The following GOLGB1 variants were observed in gnomAD, a reference collection of about 807,000 sequenced individuals.
GOLGB1 encodes the protein golgin B1, also known as golgin subfamily B member 1.
GOLGB1 carries 174 observed loss-of-function variants against 336.9 expected under a neutral mutation model. That is an observed-to-expected ratio of 0.52 (90% CI 0.46 to 0.59). The LOEUF (loss-of-function observed/expected upper bound fraction) is 0.59. GOLGB1 is among the 20% of genes least tolerant of loss of function. The pLI is 0.00. For synonymous variants in GOLGB1, 1,208 were observed against 1,289.2 expected (o/e 0.94, Z 1.35); for missense variants, 3,331 against 3,645.3 (o/e 0.91, Z 2.22).
At chr3:121,713,899 G>A (rs1176681615) in intron 10 of GOLGB1, among the ~76,000 whole-genome samples, 1 of 152,200 alleles carries the variant, frequency 6.6e-6, no homozygotes, top group East Asian at 1.9e-4. Flanking sequence ...ATAAATTTAA[G>A]ATGAACTGAT....
rs1240635114 is a variant in GOLGB1, at chr3:121,663,552, C to G, written c.*928G>C. The G allele has an allele frequency of 6.6e-6, 1 of 152,220 alleles. No individual in the cohort carries two copies. The highest frequency in any genetic ancestry group is 1.5e-5 in the Non-Finnish European group (1 of 68,036). 9.4% of individuals were successfully genotyped at this position (152,220 alleles called of 1,614,324 possible). A position where few individuals can be genotyped will look rare whatever the true frequency, so the allele number is the denominator to read the frequency against. On this transcript the variant is annotated 3_prime_UTR_variant, in exon 22 of 22. Transcript: ENST00000614479. ...GAGAAACTGTAATAACTGTCACTAA[C>G]AGCAAAGTAGCTTAGTACTTCAAGA...
chr3:121,739,415 C>G (rs1327722756), intron 1 of GOLGB1, among the ~76,000 whole-genome samples: 1 of 151,890 alleles, frequency 6.6e-6, no homozygotes, highest in East Asian at 1.9e-4. Flanking sequence ...AAACTATAAC[C>G]ACTTAAATCT....
intron 1 of GOLGB1, among the ~76,000 whole-genome samples, chr3:121,747,348 T>C (rs955325328): frequency 9.7e-5 from 14 of 144,960 alleles, no homozygotes; most frequent in African/African-American, 3.0e-4. Context: ...TGTATATATA[T>C]GTGTATATAC....
Position 121,719,734 on chromosome 3 carries a change from T to C in GOLGB1, c.683A>G (p.Asp228Gly). Reference protein sequence around the residue: ...SSMQQVVREKDARFETQVRLH... With the variant: ...SSMQQVVREKGARFETQVRLH... ...ACGAACTTGTGTTTCAAAGCGGGCA[T>C]CTTTCTCTCGGACCACCTGCTGCAT... Residue 228 changes from aspartate to glycine, a missense_variant, in exon 7 of 22, where the codon GAT becomes GGT. Coordinates refer to ENST00000614479, the MANE Select transcript of GOLGB1 (RefSeq NM_001366282.2). 6.2e-7 allele frequency: 1 copy of C among 1,609,122 alleles called. No individual in the cohort carries two copies. Among genetic ancestry groups the C allele is most frequent in the South Asian group, 1.1e-5 (1 of 90,460 alleles).
intron 1 of GOLGB1, among the ~76,000 whole-genome samples, chr3:121,739,893 A>G (rs1404105846): frequency 6.6e-6 from 1 of 152,228 alleles, no homozygotes; most frequent in Non-Finnish European, 1.5e-5. Flanking sequence ...GCAACGAACT[A>G]CTGATGGACC....
In GOLGB1 at chr3:121,697,851, T is replaced by C; in HGVS notation, c.2672A>G (p.Lys891Arg). The change falls in exon 13 of 22, where the codon AAG (lysine) becomes AGG (arginine). Residue 891 changes from lysine (K) to arginine (R), a missense_variant. Physicochemically the swap from Lys to Arg is conservative, Grantham distance 26 (BLOSUM62 2). Coordinates refer to ENST00000614479, the MANE Select transcript of GOLGB1 (RefSeq NM_001366282.2). The stretch of plus-strand genomic sequence containing the variant: ...TTGTTGGAGGGTTTCCACATCTCTC[T>C]TTTTCTCTAGTAAGAGCTGATCCAT... ...TKMDQLLLEK[K>R]RDVETLQQTI... 1.2e-6 allele frequency: 2 copies of C among 1,614,076 alleles called. No individual in the cohort carries two copies. Among genetic ancestry groups the C allele is most frequent in the South Asian group, 2.2e-5 (2 of 91,066 alleles).
chr3:121,712,330 A>G (rs186546986), intron 10 of GOLGB1, among the ~76,000 whole-genome samples: 8 of 152,302 alleles, frequency 5.3e-5, no homozygotes, highest in South Asian at 2.1e-4. Context: ...GAGACTTCAA[A>G]TGAAAACTAA....
At chr3:121,731,012 C>A (rs1946075290) in intron 1 of GOLGB1, 39 bp from the exon 2 acceptor site, 1 of 1,591,386 alleles carries the variant, frequency 6.3e-7, no homozygotes, top group South Asian at 1.1e-5. Flanking sequence ...TAAGAATCAG[C>A]AAAATGAACA....
At chr3:121,736,627 GCA>G (rs775801341) in intron 1 of GOLGB1, among the ~76,000 whole-genome samples, 11 of 152,206 alleles carry the variant, frequency 7.2e-5, no homozygotes, top group Non-Finnish European at 1.2e-4. Flanking sequence ...AGTAGGCCGG[GCA>G]CAGTGTCTCA....
intron 1 of GOLGB1, among the ~76,000 whole-genome samples, chr3:121,747,952 A>T (rs1481010812): frequency 1.3e-5 from 2 of 152,154 alleles, no homozygotes; most frequent in Non-Finnish European, 2.9e-5. Context: ...GTATGTAATG[A>T]TCAGTGGTAT....
intron 14 of GOLGB1, among the ~76,000 whole-genome samples, chr3:121,686,679 AC>A (rs1941771738): frequency 6.6e-6 from 1 of 152,166 alleles, no homozygotes; most frequent in Non-Finnish European, 1.5e-5. Context: ...ACACACACAC[AC>A]ACAATAAGGC....
chr3:121,691,827 G>A lies in GOLGB1; in HGVS notation c.7537C>T (p.Leu2513Phe). The A allele has an allele frequency of 6.2e-7, 1 of 1,613,258 alleles. No homozygotes were observed. The highest frequency in any genetic ancestry group is 8.5e-7 in the Non-Finnish European group (1 of 1,179,618). ...CTCAAGCCTCGTATTTCTTCTTTAAGCTTATTATTCTCTGCAGCAGCCTCT... is the reference window on the plus strand; with the variant it reads ...CTCAAGCCTCGTATTTCTTCTTTAAACTTATTATTCTCTGCAGCAGCCTCT... ...IQEAAAENNK[L>F]KEEIRGLRSH... The change falls in exon 14 of 22, where the codon CTT (leucine) becomes TTT (phenylalanine). Residue 2513 changes from leucine to phenylalanine, a missense_variant. Coordinates refer to ENST00000614479, the MANE Select transcript of GOLGB1 (RefSeq NM_001366282.2).
At chr3:121,747,150 TTATATATATATA>T (rs548032779) in intron 1 of GOLGB1, among the ~76,000 whole-genome samples, 3,363 of 49,584 alleles carry the variant, frequency 0.068, 119 homozygotes, top group East Asian at 0.084. Flanking sequence ...TACATGGATG[TTATATATATATA>T]TATATATATA....
chr3:121,714,544 C>T (rs1035183914), intron 10 of GOLGB1, among the ~76,000 whole-genome samples: 8 of 151,796 alleles, frequency 5.3e-5, no homozygotes, highest in Non-Finnish European at 1.0e-4. Flanking sequence ...AAAAGACTTC[C>T]GAACTGGGAA....
rs762124528 is a variant in GOLGB1 at position 121,697,309 on chromosome 3, A to G, written c.3214T>C (p.Ser1072Pro). ...TGCTGTAGTTCCACTTCTTTCTCAG[A>G]TATTGTCTGTTTTAAATAAATTTCT... Reference protein sequence around the residue: ...EIEIYLKQTISEKEVELQHIR... With the variant: ...EIEIYLKQTIPEKEVELQHIR... Residue 1072 changes from serine to proline, a missense_variant, in exon 13 of 22, where the codon TCT becomes CCT. Physicochemically the swap from Ser to Pro is moderately conservative, Grantham distance 74 (BLOSUM62 -1). Coordinates refer to ENST00000614479, the MANE Select transcript of GOLGB1 (RefSeq NM_001366282.2). 5 of 1,613,404 alleles carry G rather than the reference A, an allele frequency of 3.1e-6. No individual in the cohort carries two copies. Among genetic ancestry groups the G allele is most frequent in the Non-Finnish European group, 4.2e-6 (5 of 1,179,724 alleles).
At chr3:121,744,344 C>T (rs12488717) in intron 1 of GOLGB1, among the ~76,000 whole-genome samples, 15,151 of 149,848 alleles carry the variant, frequency 0.1, 820 homozygotes, top group South Asian at 0.16. Context: ...GGGTGGCTCA[C>T]GCCTGTAATC....
chr3:121,707,625 C>A (rs903167034), intron 10 of GOLGB1, among the ~76,000 whole-genome samples: 2 of 149,468 alleles, frequency 1.3e-5, no homozygotes, highest in Non-Finnish European at 3.0e-5. Context: ...AAAATGAGAA[C>A]CTGTCTCTTA....
Position 121,696,433 on chromosome 3 carries a change from C to G in GOLGB1, c.4090G>C (p.Val1364Leu). Residue 1364 changes from valine (V) to leucine (L), a missense_variant, in exon 13 of 22, where the codon GTA becomes CTA. Physicochemically the swap from Val to Leu is conservative, Grantham distance 32. Coordinates refer to ENST00000614479, the MANE Select transcript of GOLGB1 (RefSeq NM_001366282.2). Reference sequence around the variant, plus strand: ...GCATGGACTTCAGCTTCATGGGATACTGTCTTTAGACTCTCGATTTCTAAA... The same window carrying G: ...GCATGGACTTCAGCTTCATGGGATAGTGTCTTTAGACTCTCGATTTCTAAA... ...QGLEIESLKT[V>L]SHEAEVHAES... is the part of the protein sequence containing the mutation. The G allele has an allele frequency of 2.5e-6, 4 of 1,614,102 alleles. No homozygotes were observed. Among genetic ancestry groups the G allele is most frequent in the Non-Finnish European group, 3.4e-6 (4 of 1,180,004 alleles).
In GOLGB1 at chr3:121,729,254, T is replaced by C; in HGVS notation, c.336A>G (p.Glu112=). 6.2e-7 allele frequency: 1 copy of C among 1,613,052 alleles called. No individual in the cohort carries two copies. The highest frequency in any genetic ancestry group is 2.2e-5 in the East Asian group (1 of 44,854). The stretch of plus-strand genomic sequence containing the variant: ...CAGTCCCTCCTTGTGCTTTCATTTC[T>C]TCTATGTATTTATTCAAAGAAGTTA... The part of the protein sequence containing the change: ...AKLTSLNKYI[E]EMKAQGGTVL... Residue 112 remains glutamate (E), a synonymous_variant, in exon 4 of 22, where the codon GAA becomes GAG. Coordinates refer to ENST00000614479, the MANE Select transcript of GOLGB1 (RefSeq NM_001366282.2).
Sources: allele counts gnomAD v4.1 joint callset (sites outside exome capture counted in the v4.1 genomes callset), GRCh38; gene constraint gnomAD v4.1.1; transcripts MANE v1.5; gene names NCBI Gene and HGNC (gene_info 2026-07-23, HGNC 2026-07-21).